RABGEF1: variants seen among roughly 807,000 people sequenced by gnomAD.
RABGEF1 encodes RAB guanine nucleotide exchange factor 1, also known as rab5 GDP/GTP exchange factor.
RABGEF1 carries 26 observed loss-of-function variants against 57.3 expected under a neutral mutation model. The ratio of observed to expected loss-of-function variants is 0.45; its 90% CI spans 0.33 to 0.63. The LOEUF is 0.63. Ranked by LOEUF, RABGEF1 falls within the 20% of genes least tolerant of loss-of-function variation. The probability of loss-of-function intolerance (pLI) is 0.02; values close to 1 mark genes in which losing one functional copy is unlikely to be tolerated. For missense variants in RABGEF1, 464 were observed against 607.6 expected (o/e 0.76, Z 2.48); for synonymous variants, 185 against 210.7 (o/e 0.88, Z 1.06).
intron 4 of RABGEF1, among the ~76,000 whole-genome samples, chr7:66,787,319 C>A (rs1178780766): frequency 6.7e-6 from 1 of 148,808 alleles, no homozygotes; most frequent in Non-Finnish European, 1.5e-5. Flanking sequence ...CAGAAGTGAG[C>A]CACCATGCCT....
rs1807280542 is a variant in RABGEF1, at chr7:66,772,086, G to C, written c.179+8G>C. The C allele has an allele frequency of 6.7e-7, 1 of 1,501,156 alleles. No homozygotes were observed. Among genetic ancestry groups the C allele is most frequent in the African/African-American group, 1.4e-5 (1 of 70,430 alleles). 93.0% of individuals were successfully genotyped at this position (1,501,156 alleles called of 1,614,324 possible). On this transcript the variant is annotated splice_region_variant and intron_variant, in intron 2 of 8. Coordinates refer to ENST00000284957, the MANE Select transcript of RABGEF1 (RefSeq NM_014504.3). ...CTGGGAGCTGGCGGAGCGGTAAAAG[G>C]ACTTAACTAGGGGCGGTTGAACAGT...
At chr7:66,722,738 C>G (rs1562736949) in intron 2 of RABGEF1, among the ~76,000 whole-genome samples, 2 of 152,056 alleles carry the variant, frequency 1.3e-5, no homozygotes, top group African/African-American at 2.4e-5. Flanking sequence ...GAGTGTGAGT[C>G]TTCCAATTTT....
chr7:66,780,792 C>A (rs1370043563), intron 3 of RABGEF1, among the ~76,000 whole-genome samples: 1 of 152,036 alleles, frequency 6.6e-6, no homozygotes, highest in South Asian at 2.1e-4. Context: ...ATGAGATGCC[C>A]CTTTTTTGTT....
chr7:66,794,017 C>T (rs1263504088), intron 4 of RABGEF1, among the ~76,000 whole-genome samples: 4 of 152,112 alleles, frequency 2.6e-5, no homozygotes, highest in Admixed American at 6.5e-5. Context: ...CAGAATTTCA[C>T]CCGAATAATT....
chr7:66,701,565 A>G (rs888796086), intron 1 of RABGEF1, among the ~76,000 whole-genome samples: 1 of 149,676 alleles, frequency 6.7e-6, no homozygotes, highest in Admixed American at 6.7e-5. Flanking sequence ...CTGGAGTGCA[A>G]TGGTGTAGTC....
chr7:66,682,051 C>T (rs533796851), upstream of RABGEF1: 582 of 166,602 alleles, frequency 3.5e-3, 4 homozygotes, highest in African/African-American at 0.013. Flanking sequence ...CCGTCATCAG[C>T]CAAAGGCCCC....
rs767808432 is a variant in RABGEF1 at position 66,797,373 on chromosome 7, G to T, written c.596-1G>T. The T allele has an allele frequency of 1.2e-6, 2 of 1,602,248 alleles. No homozygotes were observed. Among genetic ancestry groups the T allele is most frequent in the Non-Finnish European group, 8.5e-7 (1 of 1,176,470 alleles). On this transcript the variant is annotated splice_acceptor_variant, in intron 5 of 8. Coordinates refer to ENST00000284957, the MANE Select transcript of RABGEF1 (RefSeq NM_014504.3). LOFTEE classifies it high-confidence loss of function. ...ATCTTTTCTCTGTCTGGTTATTTCA[G>T]TGCCTCCAGAAAGAGTCGAGAAGAT...
At chr7:66,742,754 G>A (rs957827493) in intron 1 of RABGEF1, among the ~76,000 whole-genome samples, 7 of 152,200 alleles carry the variant, frequency 4.6e-5, no homozygotes, top group South Asian at 4.2e-4. Flanking sequence ...CTGCAGATGC[G>A]TGCCACCACA....
At position 66,797,386 on chromosome 7, in the gene RABGEF1, G is replaced by C. The variant is rs749378465; in HGVS notation, c.608G>C (p.Arg203Thr). The C allele has an allele frequency of 6.2e-7, 1 of 1,608,356 alleles. No individual in the cohort carries two copies. Among genetic ancestry groups the C allele is most frequent in the South Asian group, 1.1e-5 (1 of 90,152 alleles). ...CTGGTTATTTCAGTGCCTCCAGAAA[G>C]AGTCGAGAAGATAATGGATCAGATT... ...MQTRGKVPPE[R>T]VEKIMDQIEK... Residue 203 changes from arginine to threonine, a missense_variant, in exon 6 of 9, where the codon AGA (arginine) becomes ACA (threonine). Arg to Thr is a moderately conservative substitution (Grantham distance 71). Coordinates refer to ENST00000284957, the MANE Select transcript of RABGEF1 (RefSeq NM_014504.3).
chr7:66,672,363 C>T, the RABGEF1 span, among the ~76,000 whole-genome samples: 15,845 of 151,972 alleles, frequency 0.1, 905 homozygotes, highest in Non-Finnish European at 0.11. Context: ...ACCTGGGAGG[C>T]GGAGCTTGCA....
the RABGEF1 span, among the ~76,000 whole-genome samples, chr7:66,673,519 A>G: frequency 8.6e-5 from 13 of 151,052 alleles, 1 homozygote; most frequent in Admixed American, 1.3e-4. Context: ...TGACATAGAG[A>G]TAAGATAGCA....
intron 2 of RABGEF1, among the ~76,000 whole-genome samples, chr7:66,723,695 C>T (rs1270525898): frequency 6.6e-6 from 1 of 151,968 alleles, no homozygotes; most frequent in East Asian, 1.9e-4. Flanking sequence ...ATTCTCCTGC[C>T]TCAGCCTCCT....
chr7:66,734,102 G>T (rs920087920), intron 2 of RABGEF1, among the ~76,000 whole-genome samples: 4 of 152,226 alleles, frequency 2.6e-5, no homozygotes, highest in African/African-American at 9.7e-5. Context: ...ACGGGGCCCT[G>T]GGGACACATT....
rs1233124960 is a variant in RABGEF1, at chr7:66,792,519, G to C, written c.514-2992G>C. Among the ~76,000 whole-genome samples, 11 of 152,226 alleles carry C rather than the reference G, an allele frequency of 7.2e-5. No homozygotes were observed. The East Asian group carries it at 2.1e-3, about 29-fold the overall frequency. ...AGACCAGGGAAAGCCTGTGCATGCA[G>C]TGAGTTGTATTAGAGGAGAGGAACC... On this transcript the variant is annotated intron_variant, in intron 4 of 8. Coordinates refer to ENST00000284957, the MANE Select transcript of RABGEF1 (RefSeq NM_014504.3).
intron 1 of RABGEF1, among the ~76,000 whole-genome samples, chr7:66,711,843 C>A (rs1310426913): frequency 6.6e-6 from 1 of 152,114 alleles, no homozygotes; most frequent in African/African-American, 2.4e-5. Flanking sequence ...GCCTCGGCCT[C>A]CCAGAGTGCT....
chr7:66,757,433 C>T (rs1803024025), intron 1 of RABGEF1, among the ~76,000 whole-genome samples: 1 of 152,142 alleles, frequency 6.6e-6, no homozygotes, highest in Non-Finnish European at 1.5e-5. Flanking sequence ...GATACATAGT[C>T]ATATCTCTCA....
intron 2 of RABGEF1, among the ~76,000 whole-genome samples, chr7:66,718,061 T>C (rs1313614562): frequency 6.6e-6 from 1 of 152,044 alleles, no homozygotes; most frequent in Non-Finnish European, 1.5e-5. Context: ...CTTAGAAAAC[T>C]AGTTAAATAG....
the RABGEF1 span, among the ~76,000 whole-genome samples, chr7:66,671,674 C>G: frequency 1.1e-3 from 161 of 152,228 alleles, no homozygotes; most frequent in African/African-American, 3.6e-3. Context: ...AGGAAAATAG[C>G]AGCCAGGCGT....
At chr7:66,690,835 G>GCA (rs1241534119) in intron 1 of RABGEF1, among the ~76,000 whole-genome samples, 2 of 152,012 alleles carry the variant, frequency 1.3e-5, no homozygotes, top group Non-Finnish European at 2.9e-5. Context: ...TAAAATTCCA[G>GCA]CACTTTGGGA....
Sources: allele counts gnomAD v4.1 joint callset (sites outside exome capture counted in the v4.1 genomes callset), GRCh38; gene constraint gnomAD v4.1.1; transcripts MANE v1.5; gene names NCBI Gene and HGNC (gene_info 2026-07-23, HGNC 2026-07-21).